RAD51B: variants seen among roughly 807,000 people sequenced by gnomAD.
RAD51B encodes the protein DNA repair protein RAD51 homolog 2.
In RAD51B, 38 loss-of-function variants were observed where a neutral mutation model predicts 42.2. The ratio of observed to expected loss-of-function variants is 0.90; its 90% CI spans 0.70 to 1.18. RAD51B has a LOEUF of 1.18. Ranked by LOEUF, RAD51B falls within the 50% of genes most tolerant of loss-of-function variation. RAD51B has a pLI of 0.00. For missense variants in RAD51B, 373 were observed against 400.7 expected (o/e 0.93, Z 0.59); for synonymous variants, 154 against 145.2 (o/e 1.06, Z -0.43).
intron 7 of RAD51B, among the ~76,000 whole-genome samples, chr14:67,939,041 CT>C (rs1204572311): frequency 1.3e-5 from 2 of 152,220 alleles, no homozygotes; most frequent in East Asian, 3.9e-4. Flanking sequence ...ATTTGAGAGA[CT>C]AGTTGAAAAA....
chr14:68,302,521 G>A (rs1163028949), intron 8 of RAD51B, among the ~76,000 whole-genome samples: 2 of 105,608 alleles, frequency 1.9e-5, no homozygotes. Flanking sequence ...GCCGAGACCA[G>A]CTCGGTTGGG....
At chr14:68,506,401 C>T (rs1566918254) in intron 10 of RAD51B, among the ~76,000 whole-genome samples, 2 of 152,218 alleles carry the variant, frequency 1.3e-5, no homozygotes, top group African/African-American at 2.4e-5. Context: ...TGCTACAAAA[C>T]GTGGTGGAAA....
At chr14:68,193,854 C>CT (rs889510931) in intron 7 of RAD51B, among the ~76,000 whole-genome samples, 31 of 152,038 alleles carry the variant, frequency 2.0e-4, no homozygotes, top group African/African-American at 5.1e-4. Context: ...CCTTTCAACG[C>CT]TTTTTTTTCT....
At chr14:68,309,142 C>T (rs1368935427) in intron 8 of RAD51B, among the ~76,000 whole-genome samples, 1 of 152,034 alleles carries the variant, frequency 6.6e-6, no homozygotes, top group Non-Finnish European at 1.5e-5. Flanking sequence ...CACGAGTTAT[C>T]TTGCTTATGG....
intron 7 of RAD51B, among the ~76,000 whole-genome samples, chr14:68,067,578 T>C (rs2076674283): frequency 1.3e-5 from 2 of 152,070 alleles, no homozygotes; most frequent in Non-Finnish European, 2.9e-5. Flanking sequence ...GAAGTCACAT[T>C]TGATTATGCA....
intron 8 of RAD51B, among the ~76,000 whole-genome samples, chr14:68,300,170 C>A (rs765276490): frequency 1.3e-5 from 2 of 152,158 alleles, no homozygotes; most frequent in Non-Finnish European, 2.9e-5. Context: ...TTAAGTAGGA[C>A]TGTGTAGCTC....
chr14:67,934,410 A>G (rs2140165096), intron 7 of RAD51B, among the ~76,000 whole-genome samples: 1 of 152,322 alleles, frequency 6.6e-6, no homozygotes, highest in South Asian at 2.1e-4. Context: ...GTAAAATGCC[A>G]TCAGTAATTA....
intron 7 of RAD51B, among the ~76,000 whole-genome samples, chr14:68,150,411 A>C (rs1422072526): frequency 1.3e-5 from 2 of 152,186 alleles, no homozygotes; most frequent in Non-Finnish European, 2.9e-5. Context: ...GGAAGAACTG[A>C]CTTCTTAACA....
chr14:68,674,295 C>T (rs1465837953), intron 11 of RAD51B, among the ~76,000 whole-genome samples: 1 of 152,060 alleles, frequency 6.6e-6, no homozygotes, highest in Admixed American at 6.6e-5. Context: ...CTTACATATA[C>T]ACACGTGTTT....
chr14:68,487,222 G>A (rs1209857147), intron 10 of RAD51B, among the ~76,000 whole-genome samples: 3 of 152,158 alleles, frequency 2.0e-5, no homozygotes, highest in Non-Finnish European at 2.9e-5. Flanking sequence ...TGGTTTCTCC[G>A]GAGGCCTCTC....
At chr14:68,248,944 G>T (rs1438229758) in intron 7 of RAD51B, among the ~76,000 whole-genome samples, 1 of 152,248 alleles carries the variant, frequency 6.6e-6, no homozygotes, top group African/African-American at 2.4e-5. Flanking sequence ...AGTGGGTCAT[G>T]AAGGGTCTGG....
At chr14:68,099,692 C>T (rs1217284577) in intron 7 of RAD51B, among the ~76,000 whole-genome samples, 1 of 152,094 alleles carries the variant, frequency 6.6e-6, no homozygotes, top group Non-Finnish European at 1.5e-5. Context: ...TTTGCAAATT[C>T]GTTTTCTTCT....
At chr14:67,878,194 T>C (rs2042790159) in intron 5 of RAD51B, among the ~76,000 whole-genome samples, 1 of 152,236 alleles carries the variant, frequency 6.6e-6, no homozygotes, top group Non-Finnish European at 1.5e-5. Flanking sequence ...TTTTACATAA[T>C]TGTATCTCAA....
intron 10 of RAD51B, among the ~76,000 whole-genome samples, chr14:68,625,505 C>G (rs1415760443): frequency 6.6e-6 from 1 of 152,150 alleles, no homozygotes; most frequent in African/African-American, 2.4e-5. Flanking sequence ...CAGGGTCTCA[C>G]TCTGTTGCCC....
intron 4 of RAD51B, among the ~76,000 whole-genome samples, chr14:67,853,221 T>C (rs1335201599): frequency 6.6e-6 from 1 of 152,198 alleles, no homozygotes; most frequent in Non-Finnish European, 1.5e-5. Flanking sequence ...ACTTGGAAGT[T>C]GATTCTTACT....
At chr14:68,425,976 C>CT (rs879313032) in intron 9 of RAD51B, among the ~76,000 whole-genome samples, 4,919 of 96,626 alleles carry the variant, frequency 0.051, 151 homozygotes, top group African/African-American at 0.089. Context: ...TTCTTTCTTT[C>CT]TTCCTTCCTT....
chr14:67,882,870 G>A (rs557422510), intron 5 of RAD51B, among the ~76,000 whole-genome samples: 2 of 152,058 alleles, frequency 1.3e-5, no homozygotes, highest in South Asian at 4.2e-4. Context: ...TCAGCCTCCC[G>A]AGTAGCTGGG....
chr14:68,560,463 C>A (rs764620182), intron 10 of RAD51B, among the ~76,000 whole-genome samples: 1 of 152,190 alleles, frequency 6.6e-6, no homozygotes, highest in Middle Eastern at 3.4e-3. Flanking sequence ...GAGCTGGGCG[C>A]GGTGGCTCAC....
chr14:68,358,771 C>G (rs940135063), intron 8 of RAD51B, among the ~76,000 whole-genome samples: 7 of 151,844 alleles, frequency 4.6e-5, no homozygotes, highest in Non-Finnish European at 1.0e-4. Flanking sequence ...TCAGTCAGAT[C>G]GTGTGATATA....
Sources: allele counts gnomAD v4.1 joint callset (sites outside exome capture counted in the v4.1 genomes callset), GRCh38; gene constraint gnomAD v4.1.1; transcripts MANE v1.5; gene names NCBI Gene and HGNC (gene_info 2026-07-23, HGNC 2026-07-21).